LRMDA: variants seen among roughly 807,000 people sequenced by gnomAD.
LRMDA encodes leucine rich melanocyte differentiation associated.
A neutral mutation model predicts 29.8 loss-of-function variants in LRMDA; 18 were observed. The observed-to-expected ratio is 0.60, with a 90% confidence interval of 0.42 to 0.90. The LOEUF is 0.90. Among genes scored for constraint, LRMDA ranks in the 40% least tolerant of loss-of-function variants. The pLI is 0.00. For missense variants in LRMDA, 273 were observed against 273.9 expected, an observed-to-expected ratio of 1.00 and a Z score of 0.02; for synonymous variants, 125 against 109.4, an observed-to-expected ratio of 1.14 and a Z score of -0.89.
intron 6 of LRMDA, among the ~76,000 whole-genome samples, chr10:76,388,764 C>T (rs1465726636): frequency 6.6e-6 from 1 of 152,252 alleles, no homozygotes; most frequent in Non-Finnish European, 1.5e-5. Context: ...ATGTGCTAGA[C>T]ATTATTCATA....
intron 6 of LRMDA, among the ~76,000 whole-genome samples, chr10:76,398,773 T>C (rs1841817331): frequency 1.3e-5 from 2 of 152,186 alleles, no homozygotes; most frequent in Admixed American, 1.3e-4. Context: ...GCCAGCTGAG[T>C]TTCCTTAACC....
intron 5 of LRMDA, among the ~76,000 whole-genome samples, chr10:76,287,732 T>TCC (rs2132342966): frequency 6.6e-6 from 1 of 152,260 alleles, no homozygotes; most frequent in East Asian, 1.9e-4. Context: ...GAAAAAAAGT[T>TCC]CTTGCTAAAA....
chr10:75,590,826 G>A (rs1170719962), intron 2 of LRMDA, among the ~76,000 whole-genome samples: 1 of 126,188 alleles, frequency 7.9e-6, no homozygotes, highest in South Asian at 2.7e-4. Flanking sequence ...TCATCTCACT[G>A]CAATTCTGCC....
intron 6 of LRMDA, among the ~76,000 whole-genome samples, chr10:76,370,339 T>C (rs1366513299): frequency 3.9e-5 from 6 of 152,194 alleles, no homozygotes; most frequent in African/African-American, 1.4e-4. Context: ...TGGGGTCATA[T>C]TGTTTTTATC....
chr10:75,770,071 G>A (rs1197822321), intron 2 of LRMDA, among the ~76,000 whole-genome samples: 1 of 151,848 alleles, frequency 6.6e-6, no homozygotes, highest in East Asian at 1.9e-4. Flanking sequence ...CGCTGAGGAA[G>A]GAGGATCCTG....
intron 2 of LRMDA, among the ~76,000 whole-genome samples, chr10:75,701,951 C>T (rs1842313089): frequency 6.6e-6 from 1 of 152,172 alleles, no homozygotes; most frequent in African/African-American, 2.4e-5. Context: ...CTTTCTCCTC[C>T]CTCCTAATGC....
chr10:75,848,539 G>T (rs11001519), intron 2 of LRMDA, among the ~76,000 whole-genome samples: 1 of 152,056 alleles, frequency 6.6e-6, no homozygotes, highest in African/African-American at 2.4e-5. Context: ...ATCCAGCATT[G>T]GGCACCCGGG....
intron 2 of LRMDA, among the ~76,000 whole-genome samples, chr10:75,616,395 A>G (rs902901951): frequency 6.6e-6 from 1 of 152,226 alleles, no homozygotes; most frequent in Non-Finnish European, 1.5e-5. Flanking sequence ...GGGTGGGGAC[A>G]TAGCCAAACC....
At chr10:76,471,010 G>C (rs1253879474) in intron 6 of LRMDA, among the ~76,000 whole-genome samples, 1 of 151,550 alleles carries the variant, frequency 6.6e-6, no homozygotes, top group African/African-American at 2.4e-5. Flanking sequence ...TATATTATTG[G>C]GCTTATATGT....
chr10:75,562,020 G>A (rs1162416791), intron 2 of LRMDA, among the ~76,000 whole-genome samples: 2 of 152,012 alleles, frequency 1.3e-5, no homozygotes, highest in African/African-American at 4.8e-5. Flanking sequence ...GATTTGGGGT[G>A]GAGAGTTCTG....
intron 5 of LRMDA, among the ~76,000 whole-genome samples, chr10:76,260,089 C>G (rs1839913988): frequency 6.6e-6 from 1 of 151,968 alleles, no homozygotes. Context: ...AAGGTTATTA[C>G]TGATAGGTGA....
At chr10:76,458,937 T>C (rs1842485223) in intron 6 of LRMDA, among the ~76,000 whole-genome samples, 1 of 152,172 alleles carries the variant, frequency 6.6e-6, no homozygotes, top group African/African-American at 2.4e-5. Flanking sequence ...TCTCTTCTGA[T>C]TGTGAATTCC....
At chr10:76,494,770 G>A (rs999612713) in intron 6 of LRMDA, among the ~76,000 whole-genome samples, 2 of 151,558 alleles carry the variant, frequency 1.3e-5, no homozygotes, top group Non-Finnish European at 2.9e-5. Context: ...AGTAATTTTT[G>A]TTGCATCCCA....
intron 2 of LRMDA, among the ~76,000 whole-genome samples, chr10:75,503,368 T>C (rs530449889): frequency 6.6e-6 from 1 of 152,174 alleles, no homozygotes; most frequent in East Asian, 1.9e-4. Context: ...GCTGTATGTG[T>C]GTGCAGGGCA....
chr10:75,439,873 C>T (rs550412435), intron 2 of LRMDA, among the ~76,000 whole-genome samples: 17 of 152,216 alleles, frequency 1.1e-4, no homozygotes, highest in African/African-American at 3.6e-4. Context: ...CTTCCCAGAG[C>T]AGACTTAGGC....
intron 6 of LRMDA, among the ~76,000 whole-genome samples, chr10:76,484,792 G>A (rs1407330673): frequency 6.6e-6 from 1 of 151,652 alleles, no homozygotes; most frequent in African/African-American, 2.4e-5. Flanking sequence ...TGCAGTCCTA[G>A]TACTTTTTTG....
chr10:76,226,532 G>C (rs1023088830), intron 5 of LRMDA, among the ~76,000 whole-genome samples: 1 of 152,104 alleles, frequency 6.6e-6, no homozygotes, highest in Admixed American at 6.5e-5. Flanking sequence ...GCAGTGACCC[G>C]AGATCACGCC....
chr10:75,759,890 G>A (rs994019238), intron 2 of LRMDA, among the ~76,000 whole-genome samples: 13 of 152,144 alleles, frequency 8.5e-5, no homozygotes, highest in African/African-American at 2.7e-4. Context: ...AGCTAGAGTT[G>A]TAATTGCTTA....
At chr10:75,470,579 CCTT>C (rs1589153054) in intron 2 of LRMDA, among the ~76,000 whole-genome samples, 3 of 152,184 alleles carry the variant, frequency 2.0e-5, no homozygotes, top group African/African-American at 7.2e-5. Flanking sequence ...TCTAGGGTAT[CCTT>C]CTGAGATGTG....
Sources: gnomAD v4.1 joint callset for allele counts (sites outside exome capture counted in the v4.1 genomes callset) on GRCh38, gnomAD v4.1.1 for gene constraint, MANE v1.5 for transcripts, NCBI Gene and HGNC (gene_info 2026-07-23, HGNC 2026-07-21) for gene names.